CSMD1: variants seen among roughly 807,000 people sequenced by gnomAD.
CSMD1 encodes the protein CUB and Sushi multiple domains 1, also known as CUB and sushi domain-containing protein 1.
Under a neutral mutation model 417.5 loss-of-function variants are expected in CSMD1, and 213 were observed. The observed-to-expected ratio is 0.51, with a 90% CI of 0.46 to 0.57. CSMD1 has a LOEUF of 0.57. CSMD1 is among the 20% of genes least tolerant of loss of function. The pLI is 0.00. For synonymous variants in CSMD1, 2,862 were observed against 1,736.8 expected (o/e 1.65, Z -16.11); for missense variants, 6,923 against 4,529.7 (o/e 1.53, Z -15.17).
chr8:4,723,219 G>A lies in CSMD1; in HGVS notation c.86-85661C>T, dbSNP rs1356138834. On this transcript the variant is annotated intron_variant, in intron 1 of 69. Coordinates refer to ENST00000635120, the MANE Select transcript of CSMD1 (RefSeq NM_033225.6). ...GGAAGTCATAGAGTATAACGTAGACGGCTCCTTTTAAAGACATTTCAGGCA... is the reference window on the plus strand; with the variant it reads ...GGAAGTCATAGAGTATAACGTAGACAGCTCCTTTTAAAGACATTTCAGGCA... Among the ~76,000 whole-genome samples the A allele has an allele frequency of 3.3e-5, 5 of 152,164 alleles. No homozygotes were observed. The South Asian group carries it at 6.2e-4, about 19-fold the overall frequency.
At chr8:2,942,764 C>A (rs1409048401) in intron 68 of CSMD1, among the ~76,000 whole-genome samples, 160 bp from the exon 69 acceptor site, 3 of 152,116 alleles carry the variant, frequency 2.0e-5, no homozygotes, top group Admixed American at 2.0e-4. Flanking sequence ...TTTTTAATAT[C>A]CACTTAATGA....
At chr8:4,800,539 T>C (rs1364274735) in intron 1 of CSMD1, among the ~76,000 whole-genome samples, 1 of 152,218 alleles carries the variant, frequency 6.6e-6, no homozygotes, top group African/African-American at 2.4e-5. Context: ...GAGAGTGATT[T>C]TTAAGAAGAG....
At chr8:3,399,277 C>G (rs1028445673) in intron 16 of CSMD1, 114 bp downstream of exon 16, 20 of 916,538 alleles carry the variant, frequency 2.2e-5, no homozygotes, top group Admixed American at 2.0e-4. Context: ...AAAGTGTGCT[C>G]CTATGCGGGA....
At chr8:4,850,255 TAGATGCAAATCCTTTATC>T (rs1801387592) in intron 1 of CSMD1, among the ~76,000 whole-genome samples, 1 of 152,212 alleles carries the variant, frequency 6.6e-6, no homozygotes, top group South Asian at 2.1e-4. Context: ...TTCTATGTTC[TAGATGCAAATCCTTTATC>T]AGATACACAA....
chr8:4,790,093 A>G (rs760727262), intron 1 of CSMD1, among the ~76,000 whole-genome samples: 66 of 152,314 alleles, frequency 4.3e-4, no homozygotes, highest in Non-Finnish European at 7.3e-4. Flanking sequence ...TTGTGGGAAA[A>G]TACTAAGCTC....
At chr8:3,612,244 C>T (rs1264281192) in intron 8 of CSMD1, among the ~76,000 whole-genome samples, 1 of 151,996 alleles carries the variant, frequency 6.6e-6, no homozygotes, top group African/African-American at 2.4e-5. Flanking sequence ...ATTGAAGAAA[C>T]AAAAATACAC....
At position 4,439,065 on chromosome 8, in the gene CSMD1, T is replaced by C. The variant is rs117295359; in HGVS notation, c.303-19000A>G. ...GTAATCTTAGCTGATATAGGTCTTA[T>C]TGGCGCCATCCTATTTCATCTGTAT... is the stretch of plus-strand genomic sequence containing the variant. On this transcript the variant is annotated intron_variant, in intron 2 of 69. Transcript: ENST00000635120. 9.7e-3 allele frequency among the ~76,000 whole-genome samples: 1,470 copies of C among 152,322 alleles called. 11 individuals carry two copies. Among genetic ancestry groups the C allele is most frequent in the Non-Finnish European group, 0.015 (1,029 of 68,028 alleles).
At chr8:4,862,332 T>A (rs1802186674) in intron 1 of CSMD1, among the ~76,000 whole-genome samples, 3 of 152,014 alleles carry the variant, frequency 2.0e-5, no homozygotes, top group African/African-American at 4.8e-5. Flanking sequence ...GATGGAAAAT[T>A]ATTAGAGGGC....
At chr8:4,439,725 GTAAA>G (rs1798353644) in intron 2 of CSMD1, among the ~76,000 whole-genome samples, 1 of 152,122 alleles carries the variant, frequency 6.6e-6, no homozygotes, top group African/African-American at 2.4e-5. Context: ...TTTGAAATAA[GTAAA>G]TAGAGAACAT....
In CSMD1 at chr8:3,646,698, C is replaced by T. The variant is rs186981033; in HGVS notation, c.1010-29901G>A. On this transcript the variant is annotated intron_variant, in intron 7 of 69. Transcript: ENST00000635120. Reference sequence around the variant, plus strand: ...ATTGTTTCACACCTCATTAGCCCTCCTTCTAAACAGCGCTTTCGACCTGGC... The same window carrying T: ...ATTGTTTCACACCTCATTAGCCCTCTTTCTAAACAGCGCTTTCGACCTGGC... Among the ~76,000 whole-genome samples the T allele has an allele frequency of 3.6e-3, 542 of 152,244 alleles. 2 individuals carry two copies. Among genetic ancestry groups the T allele is most frequent in the South Asian group, 9.1e-3 (44 of 4,826 alleles).
At chr8:3,160,497 T>C (rs1819817705) in intron 38 of CSMD1, among the ~76,000 whole-genome samples, 1 of 152,190 alleles carries the variant, frequency 6.6e-6, no homozygotes, top group African/African-American at 2.4e-5. Context: ...ATAGCTTGAG[T>C]GTGTTTGGTT....
At chr8:3,565,570 T>G (rs1254702523) in intron 10 of CSMD1, among the ~76,000 whole-genome samples, 1 of 152,216 alleles carries the variant, frequency 6.6e-6, no homozygotes, top group African/African-American at 2.4e-5. Flanking sequence ...CAAATGCAAG[T>G]GAATGCCTCT....
intron 1 of CSMD1, among the ~76,000 whole-genome samples, chr8:4,959,010 T>C (rs1809302373): frequency 6.6e-6 from 1 of 152,210 alleles, no homozygotes; most frequent in Non-Finnish European, 1.5e-5. Context: ...CTTAATTGTA[T>C]GCTTTAACTG....
At chr8:3,402,543 A>C (rs7815361) in intron 15 of CSMD1, among the ~76,000 whole-genome samples, 2 of 151,966 alleles carry the variant, frequency 1.3e-5, no homozygotes, top group African/African-American at 2.4e-5. Context: ...TATACTCAAC[A>C]TGTGCCTGGC....
At chr8:3,628,352 G>A (rs1346655265) in intron 7 of CSMD1, among the ~76,000 whole-genome samples, 1 of 152,182 alleles carries the variant, frequency 6.6e-6, no homozygotes, top group Non-Finnish European at 1.5e-5. Context: ...GGCCGAGGGT[G>A]ACCTCACGCC....
chr8:4,578,859 G>A (rs558399828), intron 2 of CSMD1, among the ~76,000 whole-genome samples: 82 of 149,738 alleles, frequency 5.5e-4, no homozygotes, highest in Middle Eastern at 3.5e-3. Context: ...AGAAATGGCG[G>A]CATTATAGAA....
At chr8:4,788,530 G>C in intron 1 of CSMD1, 5 of 1,434,236 alleles carry the variant, frequency 3.5e-6, no homozygotes, top group Non-Finnish European at 4.9e-6. Context: ...CAAGCATTTT[G>C]AACACATGTA....
intron 10 of CSMD1, among the ~76,000 whole-genome samples, chr8:3,567,283 G>C (rs924975902): frequency 1.3e-5 from 2 of 152,056 alleles, no homozygotes; most frequent in Non-Finnish European, 2.9e-5. Flanking sequence ...TGCAGGGTGG[G>C]AGGAGGCAGA....
In CSMD1 at chr8:3,674,081, G is replaced by C. The variant is rs145437320; in HGVS notation, c.1009+34333C>G. Reference sequence around the variant, plus strand: ...TGATAATGTCATTGCACTCCAGCTTGAGTGACAGAGTGAGACTCCCTCTCA... The same window carrying C: ...TGATAATGTCATTGCACTCCAGCTTCAGTGACAGAGTGAGACTCCCTCTCA... On this transcript the variant is annotated intron_variant, in intron 7 of 69. Coordinates refer to ENST00000635120, the MANE Select transcript of CSMD1 (RefSeq NM_033225.6). 8.1e-3 allele frequency among the ~76,000 whole-genome samples: 1,239 copies of C among 152,142 alleles called. 14 individuals are homozygous for C. The highest frequency in any genetic ancestry group is 0.028 in the African/African-American group (1,169 of 41,518).
Sources: gnomAD v4.1 joint callset for allele counts (sites outside exome capture counted in the v4.1 genomes callset) on GRCh38, gnomAD v4.1.1 for gene constraint, MANE v1.5 for transcripts, NCBI Gene and HGNC (gene_info 2026-07-23, HGNC 2026-07-21) for gene names.